ZNF800: variants seen among roughly 807,000 people sequenced by gnomAD.
The protein encoded by ZNF800 is zinc finger protein 800.
ZNF800 carries 13 observed loss-of-function variants against 59.5 expected under a neutral mutation model. The observed-to-expected ratio is 0.22, with a 90% CI of 0.14 to 0.35. The LOEUF (loss-of-function observed/expected upper bound fraction) is 0.35. ZNF800 is among the 10% of genes least tolerant of loss of function. The probability of loss-of-function intolerance (pLI) is 1.00; values close to 1 mark genes in which losing one functional copy is unlikely to be tolerated. For synonymous variants in ZNF800, 266 were observed against 265.7 expected, an observed-to-expected ratio of 1.00 and a Z score of -0.01; for missense variants, 621 against 783.7, an observed-to-expected ratio of 0.79 and a Z score of 2.48.
At chr7:127,345,780 C>T (rs1333052233), downstream of ZNF800, among the ~76,000 whole-genome samples, 3 of 152,256 alleles carry the variant, frequency 2.0e-5, no homozygotes, top group South Asian at 2.1e-4. Context: ...CTATCAAAAA[C>T]GTATTGGAGT....
chr7:127,348,775 C>A (rs1800118357), intron 1 of ZNF800, among the ~76,000 whole-genome samples: 1 of 152,148 alleles, frequency 6.6e-6, no homozygotes, highest in Non-Finnish European at 1.5e-5. Flanking sequence ...GTTTGTTTTA[C>A]AGTAAAAAAT....
rs1157540569 is a variant in ZNF800, at chr7:127,373,697, G to A, written c.1639C>T (p.Arg547Cys). 4.3e-6 allele frequency: 7 copies of A among 1,613,914 alleles called. No homozygotes were observed. The highest frequency in any genetic ancestry group is 2.7e-5 in the African/African-American group (2 of 74,882). ...HITVVHKKSS[R>C]YLGKITASLE... ...CTGGCTGTTATTTTCCCAAGATAAC[G>A]AGATGACTTTTTATGAACCACAGTT... Residue 547 changes from arginine to cysteine, a missense_variant, in exon 5 of 6, where the codon CGT becomes TGT. By Grantham distance (180) the Arg-to-Cys change is radical (BLOSUM62 -3). Around this residue, in one of 7 missense-constraint regions of ZNF800, gnomAD observed 46 missense variants for 118.4 expected, o/e 0.39. Coordinates refer to ENST00000265827, the MANE Select transcript of ZNF800 (RefSeq NM_176814.5).
chr7:127,375,075 C>T, intron 4 of ZNF800, 41 bp from the exon 5 acceptor site: 1 of 1,453,396 alleles, frequency 6.9e-7, no homozygotes, highest in Non-Finnish European at 9.1e-7. Flanking sequence ...AAGTAATTAG[C>T]CTGCTGTAGC....
At position 127,392,701 on chromosome 7, in the gene ZNF800, G is replaced by A. The variant is rs1347867936; in HGVS notation, c.-700C>T. ...AGACTCTCCGGCAGCGACAGGGAGC[G>A]ACTGACTGACCCCGGACGGAGATGG... On this transcript the variant is annotated 5_prime_UTR_variant, in exon 1 of 6. Coordinates refer to ENST00000265827, the MANE Select transcript of ZNF800 (RefSeq NM_176814.5). The A allele has an allele frequency of 2.6e-5, 4 of 152,898 alleles. No homozygotes were observed. Among genetic ancestry groups the A allele is most frequent in the African/African-American group, 9.6e-5 (4 of 41,510 alleles). 9.5% of individuals were successfully genotyped at this position (152,898 alleles called of 1,614,324 possible).
rs920036373 is a variant in ZNF800, at chr7:127,371,107, GAAA to G, written c.*704_*706del. The stretch of plus-strand genomic sequence containing the variant: ...TAAAGTGCTTTGTATAAAATTTAAA[GAAA>G]AATAGGGGAATGTTTAATTTTCATA... On this transcript the variant is annotated 3_prime_UTR_variant, in exon 6 of 6. Coordinates refer to ENST00000265827, the MANE Select transcript of ZNF800 (RefSeq NM_176814.5). 2 of 152,364 alleles carry G rather than the reference GAAA, an allele frequency of 1.3e-5. No individual in the cohort carries two copies. The highest frequency in any genetic ancestry group is 4.8e-5 in the African/African-American group (2 of 41,380). The allele number at this position is 152,364 out of a possible 1,614,324, so 9.4% of individuals were successfully genotyped here.
At chr7:127,361,386 G>A (rs186662562) in intron 1 of ZNF800, 2 of 152,196 alleles carry the variant, frequency 1.3e-5, no homozygotes, top group East Asian at 1.9e-4. Flanking sequence ...ACACCAGCCT[G>A]AGCAACATAG....
At chr7:127,359,341 G>T (rs189672294) in intron 1 of ZNF800, among the ~76,000 whole-genome samples, 2 of 152,056 alleles carry the variant, frequency 1.3e-5, no homozygotes, top group East Asian at 3.9e-4. Context: ...AACCCAGTAA[G>T]GTTTAGGTTA....
chr7:127,371,796 G>T lies in ZNF800; in HGVS notation c.*18C>A. On this transcript the variant is annotated 3_prime_UTR_variant, in exon 6 of 6. Transcript: ENST00000265827. The stretch of plus-strand genomic sequence containing the variant: ...ACAAAAATGAACTCCAAACCTTTTC[G>T]TACATCACTTGAAGTTATCTGAGGA... 1 of 763,206 alleles carries T rather than the reference G, an allele frequency of 1.3e-6. No individual in the cohort carries two copies. The highest frequency in any genetic ancestry group is 1.8e-5 in the Admixed American group (1 of 56,350). 47.3% of individuals were successfully genotyped at this position (763,206 alleles called of 1,614,324 possible). A position where few individuals can be genotyped will look rare whatever the true frequency, so the allele number is the denominator to read the frequency against.
At chr7:127,349,008 G>A (rs1457026773) in intron 1 of ZNF800, among the ~76,000 whole-genome samples, 2 of 152,016 alleles carry the variant, frequency 1.3e-5, no homozygotes, top group East Asian at 3.9e-4. Flanking sequence ...GTTAATCAAA[G>A]CTACTGTCTT....
intron 5 of ZNF800, chr7:127,372,969 T>G: frequency 1.0e-6 from 1 of 985,210 alleles, no homozygotes; most frequent in Non-Finnish European, 1.2e-6. Flanking sequence ...ATTAGTAGAC[T>G]AAGTCACTGA....
In ZNF800 at chr7:127,373,501, G is replaced by A. The variant is rs1430159785; in HGVS notation, c.1835C>T (p.Thr612Ile). The A allele has an allele frequency of 3.1e-6, 5 of 1,613,918 alleles. No homozygotes were observed. The East Asian group carries it at 6.7e-5, about 22-fold the overall frequency. Residue 612 changes from threonine to isoleucine, a missense_variant, in exon 5 of 6, where the codon ACA becomes ATA. This residue lies in a region of ZNF800 where 94 missense variants were observed against 108.5 expected (regional missense o/e 0.87). Coordinates refer to ENST00000265827, the MANE Select transcript of ZNF800 (RefSeq NM_176814.5). ...VADVGIEVKV[T>I]KNFSLHRCNK... ...GCATCTGTGAAGAGAAAAGTTTTTTGTGACTTTTACTTCAATACCGACGTC... is the reference window on the plus strand; with the variant it reads ...GCATCTGTGAAGAGAAAAGTTTTTTATGACTTTTACTTCAATACCGACGTC...
At position 127,370,278 on chromosome 7, in the gene ZNF800, T is replaced by C. The variant is rs758567187; in HGVS notation, c.*1536A>G. The C allele has an allele frequency of 2.0e-5, 3 of 152,472 alleles. No homozygotes were observed. The highest frequency in any genetic ancestry group is 4.4e-5 in the Non-Finnish European group (3 of 68,006). The allele number at this position is 152,472 out of a possible 1,614,324, so 9.4% of individuals were successfully genotyped here. On this transcript the variant is annotated 3_prime_UTR_variant, in exon 6 of 6. Coordinates refer to ENST00000265827, the MANE Select transcript of ZNF800 (RefSeq NM_176814.5). ...AATATAATTCAAGTGTAGCTGCTCATAGTCACTGAATAAGTTTAAATTTGA... is the reference window on the plus strand; with the variant it reads ...AATATAATTCAAGTGTAGCTGCTCACAGTCACTGAATAAGTTTAAATTTGA...
chr7:127,377,329 C>A lies in ZNF800; in HGVS notation c.158G>T (p.Gly53Val). The A allele has an allele frequency of 6.3e-7, 1 of 1,585,046 alleles. No individual in the cohort carries two copies. Among genetic ancestry groups the A allele is most frequent in the Non-Finnish European group, 8.6e-7 (1 of 1,168,128 alleles). Residue 53 changes from glycine (G) to valine (V), a missense_variant and splice_region_variant, in exon 4 of 6, where the codon GGA becomes GTA. By Grantham distance (109) the Gly-to-Val change is moderately radical. Transcript: ENST00000265827. This position sits in a 1 kb window ranked among gnomAD's most constrained non-coding sequence, Gnocchi z 4.7. Reference protein sequence around the residue: ...IQQIIECFRSGTKQLKHILLK... With the variant: ...IQQIIECFRSVTKQLKHILLK... ...TAAAATATGCTTAAGTTGTTTAGTTCCTGAGAGAAAAAAGAAAAGAAAAAC... is the reference window on the plus strand; with the variant it reads ...TAAAATATGCTTAAGTTGTTTAGTTACTGAGAGAAAAAAGAAAAGAAAAAC...
At chr7:127,359,285 C>T (rs1372909797) in intron 1 of ZNF800, among the ~76,000 whole-genome samples, 1 of 152,042 alleles carries the variant, frequency 6.6e-6, no homozygotes, top group Non-Finnish European at 1.5e-5. Flanking sequence ...CAGTAAATCT[C>T]CTGTCATGTA....
chr7:127,382,003 A>G (rs1054341447), intron 3 of ZNF800, among the ~76,000 whole-genome samples: 45 of 152,264 alleles, frequency 3.0e-4, no homozygotes, highest in African/African-American at 1.1e-3. Flanking sequence ...ACATGAAGCT[A>G]ATTCTCATTT....
chr7:127,380,359 C>T (rs1173300790), intron 3 of ZNF800, among the ~76,000 whole-genome samples: 2 of 152,154 alleles, frequency 1.3e-5, no homozygotes, highest in African/African-American at 4.8e-5. Flanking sequence ...AAAAAACCTT[C>T]TCTAAAAATT....
chr7:127,344,386 T>A (rs948391304), downstream of ZNF800, among the ~76,000 whole-genome samples: 23 of 152,092 alleles, frequency 1.5e-4, no homozygotes, highest in Non-Finnish European at 3.2e-4. Context: ...TTCAGTAACC[T>A]TAACACATGA....
chr7:127,343,978 A>G (rs1800014058), downstream of ZNF800, among the ~76,000 whole-genome samples: 1 of 152,012 alleles, frequency 6.6e-6, no homozygotes, highest in Non-Finnish European at 1.5e-5. Context: ...CTTTAACATG[A>G]TAAAGACCTG....
downstream of ZNF800, among the ~76,000 whole-genome samples, chr7:127,369,472 C>G (rs1198223848): frequency 6.6e-6 from 1 of 152,024 alleles, no homozygotes; most frequent in East Asian, 1.9e-4. Context: ...TGACAGAGCT[C>G]AAGTCAAATC....
Sources: gnomAD v4.1 joint callset for allele counts (sites outside exome capture counted in the v4.1 genomes callset) on GRCh38, gnomAD v4.1.1 for gene constraint, gnomAD v4.1.1 regional missense constraint, Gnocchi (gnomAD v3.1) non-coding constraint, MANE v1.5 for transcripts, NCBI Gene and HGNC (gene_info 2026-07-23, HGNC 2026-07-21) for gene names.